Variants in NXPE3 observed in about 807,000 individuals in gnomAD.
NXPE3 encodes the protein NXPE family member 3.
A neutral mutation model predicts 46.1 loss-of-function variants in NXPE3; 26 were observed. The observed-to-expected ratio is 0.56, with a 90% CI of 0.41 to 0.78. NXPE3 has a LOEUF of 0.78. Ranked by LOEUF, NXPE3 falls within the 30% of genes least tolerant of loss-of-function variation. The pLI is 0.00. For missense variants in NXPE3, 620 were observed against 686.0 expected (o/e 0.90, Z 1.07); for synonymous variants, 272 against 257.9 (o/e 1.05, Z -0.52).
chr3:101,779,969 C>T (rs1939717038), intron 1 of NXPE3: 2 of 152,286 alleles, frequency 1.3e-5, no homozygotes, highest in Admixed American at 1.3e-4. Context: ...TTGCCCATTT[C>T]TGCCTGATCA....
chr3:101,818,135 C>T (rs1167456742), intron 7 of NXPE3, among the ~76,000 whole-genome samples: 5 of 151,984 alleles, frequency 3.3e-5, no homozygotes, highest in South Asian at 4.1e-4. Flanking sequence ...TCAAGCAGTC[C>T]GCCCGCCTCA....
chr3:101,783,710 A>C (rs1939973331), intron 3 of NXPE3, among the ~76,000 whole-genome samples: 1 of 152,108 alleles, frequency 6.6e-6, no homozygotes, highest in Admixed American at 6.5e-5. Context: ...GGTGCAACTA[A>C]ATTCCTGTGG....
intron 6 of NXPE3, among the ~76,000 whole-genome samples, chr3:101,810,433 A>G (rs942534103): frequency 2.6e-5 from 4 of 152,236 alleles, no homozygotes; most frequent in African/African-American, 9.6e-5. Flanking sequence ...CCAGTGATCT[A>G]TGCTCTTACA....
chr3:101,807,152 TTTG>T (rs1177168069), intron 6 of NXPE3, 26 bp downstream of exon 6: 2 of 1,572,978 alleles, frequency 1.3e-6, no homozygotes, highest in Non-Finnish European at 1.7e-6. Flanking sequence ...AGCTTGATGA[TTTG>T]TTGTTTTTCT....
chr3:101,802,179 T>G (rs1941197891), intron 5 of NXPE3, among the ~76,000 whole-genome samples, 190 bp downstream of exon 5: 1 of 152,210 alleles, frequency 6.6e-6, no homozygotes, highest in Admixed American at 6.5e-5. Flanking sequence ...AAAATGAAGC[T>G]TAATGCTTAT....
chr3:101,801,424 G>A lies in NXPE3; in HGVS notation c.283G>A (p.Val95Ile). 6.2e-7 allele frequency: 1 copy of A among 1,614,204 alleles called. No homozygotes were observed. Among genetic ancestry groups the A allele is most frequent in the African/African-American group, 1.3e-5 (1 of 75,048 alleles). The change falls in exon 5 of 8, where the codon GTC (valine) becomes ATC (isoleucine). Residue 95 changes from valine (V) to isoleucine (I), a missense_variant. Coordinates refer to ENST00000273347, the MANE Select transcript of NXPE3 (RefSeq NM_145037.4). ...LHRQVPDVGP[V>I]PFVKSTDPSS... The stretch of plus-strand genomic sequence containing the variant: ...CCGGCAGGTTCCTGATGTGGGCCCA[G>A]TCCCCTTTGTGAAGAGCACTGACCC...
At chr3:101,805,215 T>G (rs1941355105) in intron 5 of NXPE3, among the ~76,000 whole-genome samples, 1 of 152,208 alleles carries the variant, frequency 6.6e-6, no homozygotes, top group Non-Finnish European at 1.5e-5. Context: ...CATTTATCAT[T>G]GTTATAGTAC....
Position 101,827,751 on chromosome 3 carries a change from G to A in NXPE3, c.*5797G>A, listed in dbSNP as rs538699138. 6.6e-6 allele frequency among the ~76,000 whole-genome samples: 1 copy of A among 152,056 alleles called. No individual in the cohort carries two copies. Among genetic ancestry groups the A allele is most frequent in the Non-Finnish European group, 1.5e-5 (1 of 68,000 alleles). On this transcript the variant is annotated 3_prime_UTR_variant, in exon 8 of 8. Transcript: ENST00000273347. ...GAGGGGAATGTCCGGGACTCGGGTCGGTACCTTTTTGGTCTGGGAATTTCC... is the reference window on the plus strand; with the variant it reads ...GAGGGGAATGTCCGGGACTCGGGTCAGTACCTTTTTGGTCTGGGAATTTCC...
In NXPE3 at chr3:101,801,634, C is replaced by A; in HGVS notation, c.493C>A (p.Gln165Lys). 6.2e-7 allele frequency: 1 copy of A among 1,614,148 alleles called. No individual in the cohort carries two copies. The highest frequency in any genetic ancestry group is 8.5e-7 in the Non-Finnish European group (1 of 1,180,034). The change falls in exon 5 of 8, where the codon CAG becomes AAG. Residue 165 changes from glutamine (Q) to lysine (K), a missense_variant. Transcript: ENST00000273347. ...GGCTGTGGGCAGGGTGGTGGATTAC[C>A]AGAATGGGTTTTACAAGGTTTTCTT... is the stretch of plus-strand genomic sequence containing the variant. ...AGAVGRVVDY[Q>K]NGFYKVFFTL... is the part of the protein sequence containing the mutation.
chr3:101,801,323 C>G lies in NXPE3; in HGVS notation c.182C>G (p.Pro61Arg), dbSNP rs150029845. The G allele has an allele frequency of 7.9e-5, 127 of 1,614,144 alleles. 2 individuals carry two copies. The African/African-American group carries it at 1.3e-3, about 17-fold the overall frequency. ...SSQVTGISRN[P>R]YCGYDQQTLS... The stretch of plus-strand genomic sequence containing the variant: ...CAGGTGACAGGAATTAGCCGAAATC[C>G]CTACTGTGGCTATGATCAGCAGACC... The change falls in exon 5 of 8, where the codon CCC becomes CGC. Residue 61 changes from proline to arginine, a missense_variant. Pro to Arg is a moderately radical substitution (Grantham distance 103). This residue lies in a region of NXPE3 where 511 missense variants were observed against 528.6 expected (regional missense o/e 0.97). Coordinates refer to ENST00000273347, the MANE Select transcript of NXPE3 (RefSeq NM_145037.4).
chr3:101,819,443 G>A (rs562671162), intron 7 of NXPE3, among the ~76,000 whole-genome samples: 54 of 152,288 alleles, frequency 3.5e-4, no homozygotes, highest in African/African-American at 1.1e-3. Flanking sequence ...GATGCTATCT[G>A]TGTTATTCTC....
At chr3:101,819,260 G>T (rs1560068005) in intron 7 of NXPE3, among the ~76,000 whole-genome samples, 1 of 152,150 alleles carries the variant, frequency 6.6e-6, no homozygotes. Flanking sequence ...GGAATATTTA[G>T]GGATATGAGA....
At chr3:101,805,643 T>A (rs1452565844) in intron 5 of NXPE3, among the ~76,000 whole-genome samples, 2 of 152,122 alleles carry the variant, frequency 1.3e-5, no homozygotes, top group Admixed American at 6.6e-5. Flanking sequence ...TTTTGCCATG[T>A]TGGCCAGGCT....
At chr3:101,806,704 A>G (rs561599342) in intron 5 of NXPE3, among the ~76,000 whole-genome samples, 2 of 152,172 alleles carry the variant, frequency 1.3e-5, no homozygotes, top group Non-Finnish European at 2.9e-5. Context: ...GCAGCCTGAA[A>G]ACTAAGTAAT....
chr3:101,808,856 T>TATAAA (rs1941575402), intron 6 of NXPE3, among the ~76,000 whole-genome samples: 1 of 127,666 alleles, frequency 7.8e-6, no homozygotes, highest in Non-Finnish European at 1.6e-5. Context: ...TATATATATA[T>TATAAA]GAGACATTTA....
Position 101,816,862 on chromosome 3 carries a change from G to T in NXPE3, c.990G>T (p.Gln330His). Reference protein sequence around the residue: ...TFPSGYYYKDQWRPRKFKMRQ... With the variant: ...TFPSGYYYKDHWRPRKFKMRQ... ...CTTCTGGGTATTATTATAAAGACCA[G>T]TGGAGGCCCAGAAAGTTTAAGATGC... is the stretch of plus-strand genomic sequence containing the variant. The change falls in exon 7 of 8, where the codon CAG (glutamine) becomes CAT (histidine). Residue 330 changes from glutamine to histidine, a missense_variant. Physicochemically the swap from Gln to His is conservative, Grantham distance 24. This residue lies in a region of NXPE3 where 511 missense variants were observed against 528.6 expected (regional missense o/e 0.97). Transcript: ENST00000273347. 6.2e-7 allele frequency: 1 copy of T among 1,614,116 alleles called. No individual in the cohort carries two copies. Among genetic ancestry groups the T allele is most frequent in the South Asian group, 1.1e-5 (1 of 91,076 alleles).
chr3:101,816,720 A>G, intron 6 of NXPE3, 75 bp from the exon 7 acceptor site: 1 of 1,168,978 alleles, frequency 8.6e-7, no homozygotes, highest in Non-Finnish European at 1.2e-6. Flanking sequence ...CATGGGCATA[A>G]TTGTTTCTTG....
intron 4 of NXPE3, among the ~76,000 whole-genome samples, chr3:101,798,110 T>G (rs1193178729): frequency 6.8e-6 from 1 of 147,710 alleles, no homozygotes; most frequent in African/African-American, 2.5e-5. Flanking sequence ...TTTTAATGAT[T>G]GCCATTCTAA....
At chr3:101,799,571 G>A (rs1374473273) in intron 4 of NXPE3, among the ~76,000 whole-genome samples, 2 of 151,794 alleles carry the variant, frequency 1.3e-5, no homozygotes, top group African/African-American at 2.4e-5. Flanking sequence ...GATTACAGGC[G>A]CCTGCCACCA....
Sources: gnomAD v4.1 joint callset for allele counts (sites outside exome capture counted in the v4.1 genomes callset) on GRCh38, gnomAD v4.1.1 for gene constraint, gnomAD v4.1.1 regional missense constraint, MANE v1.5 for transcripts, NCBI Gene and HGNC (gene_info 2026-07-23, HGNC 2026-07-21) for gene names.